CDH18: variants seen among roughly 807,000 people sequenced by gnomAD.
CDH18 encodes cadherin 18.
CDH18 carries 31 observed loss-of-function variants against 67.9 expected under a neutral mutation model. That is an observed-to-expected ratio of 0.46 (90% CI 0.34 to 0.62). CDH18 has a LOEUF of 0.62. Ranked by LOEUF, CDH18 falls within the 20% of genes least tolerant of loss-of-function variation. The pLI is 0.01. For missense variants in CDH18, 890 were observed against 975.5 expected, an observed-to-expected ratio of 0.91 and a Z score of 1.17; for synonymous variants, 362 against 347.2, an observed-to-expected ratio of 1.04 and a Z score of -0.48.
chr5:19,638,975 CT>C (rs1753586179), intron 5 of CDH18, among the ~76,000 whole-genome samples: 1 of 33,966 alleles, frequency 2.9e-5, no homozygotes, highest in Non-Finnish European at 5.6e-5. Context: ...TTTTTTGTTG[CT>C]GTTTTTTTTT....
chr5:20,443,025 C>T (rs936425879), intron 1 of CDH18, among the ~76,000 whole-genome samples: 6 of 150,324 alleles, frequency 4.0e-5, no homozygotes, highest in Non-Finnish European at 5.9e-5. Context: ...CCGGCTAAAA[C>T]GGTGAAACCC....
At chr5:19,772,069 C>G (rs1021689980) in intron 3 of CDH18, among the ~76,000 whole-genome samples, 3 of 152,132 alleles carry the variant, frequency 2.0e-5, no homozygotes, top group Non-Finnish European at 2.9e-5. Flanking sequence ...GAATTTTTCT[C>G]TAAGATGATC....
chr5:20,542,276 G>A (rs1310178098), intron 1 of CDH18, among the ~76,000 whole-genome samples: 1 of 103,994 alleles, frequency 9.6e-6, no homozygotes, highest in Non-Finnish European at 2.2e-5. Context: ...AGCAGAAAGA[G>A]GAGAAGGGAT....
chr5:19,616,922 A>C (rs1288110686), intron 5 of CDH18, among the ~76,000 whole-genome samples: 1 of 152,076 alleles, frequency 6.6e-6, no homozygotes, highest in East Asian at 1.9e-4. Context: ...AGGATGGGGA[A>C]TCTCCTTTTT....
intron 2 of CDH18, among the ~76,000 whole-genome samples, chr5:20,220,111 A>T (rs1741106435): frequency 2.0e-5 from 3 of 152,022 alleles, no homozygotes; most frequent in African/African-American, 7.2e-5. Flanking sequence ...TCTTCACATA[A>T]GTAGAAAAAA....
intron 8 of CDH18, among the ~76,000 whole-genome samples, chr5:19,546,469 C>T (rs1030450217): frequency 6.6e-6 from 1 of 152,046 alleles, no homozygotes; most frequent in African/African-American, 2.4e-5. Context: ...AATTGGATTC[C>T]GGGGAACAGA....
At chr5:20,436,870 C>A (rs1749206085) in intron 1 of CDH18, among the ~76,000 whole-genome samples, 1 of 150,782 alleles carries the variant, frequency 6.6e-6, no homozygotes, top group African/African-American at 2.4e-5. Flanking sequence ...ACTCCCGCAG[C>A]AATTCATCAT....
At chr5:20,347,705 T>G (rs1044464885) in intron 1 of CDH18, among the ~76,000 whole-genome samples, 1 of 152,198 alleles carries the variant, frequency 6.6e-6, no homozygotes, top group South Asian at 2.1e-4. Context: ...CAGCATTGTG[T>G]GTTTAGCCCC....
chr5:20,142,985 A>T (rs1464434769), intron 2 of CDH18, among the ~76,000 whole-genome samples: 1 of 152,138 alleles, frequency 6.6e-6, no homozygotes, highest in Non-Finnish European at 1.5e-5. Context: ...AAAAATATAG[A>T]GGTAGTTTGG....
intron 2 of CDH18, among the ~76,000 whole-genome samples, chr5:20,074,283 T>A (rs927367691): frequency 6.6e-6 from 1 of 152,194 alleles, no homozygotes; most frequent in Non-Finnish European, 1.5e-5. Flanking sequence ...GATTATCATA[T>A]GCCTTGTCTC....
chr5:19,604,276 C>T (rs752449494), intron 6 of CDH18, among the ~76,000 whole-genome samples: 1 of 151,994 alleles, frequency 6.6e-6, no homozygotes, highest in African/African-American at 2.4e-5. Flanking sequence ...CCCCAAGGCC[C>T]TATCTTACAA....
chr5:20,280,739 G>T (rs1420514715), intron 1 of CDH18, among the ~76,000 whole-genome samples: 1 of 152,092 alleles, frequency 6.6e-6, no homozygotes, highest in African/African-American at 2.4e-5. Context: ...GGGATGGCTG[G>T]GTCAAATGGT....
At chr5:20,090,340 G>A (rs1247772702) in intron 2 of CDH18, among the ~76,000 whole-genome samples, 2 of 152,060 alleles carry the variant, frequency 1.3e-5, no homozygotes, top group African/African-American at 2.4e-5. Context: ...TTCAAGACCA[G>A]CTTGACCAAT....
At chr5:19,559,337 G>C (rs1739019006) in intron 8 of CDH18, among the ~76,000 whole-genome samples, 1 of 152,018 alleles carries the variant, frequency 6.6e-6, no homozygotes, top group South Asian at 2.1e-4. Context: ...TGATCGAGTA[G>C]GTTTCATAGC....
intron 2 of CDH18, among the ~76,000 whole-genome samples, chr5:19,938,875 T>C (rs1382762735): frequency 6.6e-6 from 1 of 151,390 alleles, no homozygotes; most frequent in Non-Finnish European, 1.5e-5. Context: ...TTAATTCTAA[T>C]TTAAACTTTA....
At chr5:20,521,743 T>C (rs1755755004) in intron 1 of CDH18, among the ~76,000 whole-genome samples, 1 of 152,012 alleles carries the variant, frequency 6.6e-6, no homozygotes, top group Admixed American at 6.6e-5. Context: ...GAGGATGATT[T>C]CTGGAGCAAG....
At chr5:20,482,432 A>G (rs559292376) in intron 1 of CDH18, among the ~76,000 whole-genome samples, 27 of 152,238 alleles carry the variant, frequency 1.8e-4, no homozygotes, top group Middle Eastern at 3.4e-3. Flanking sequence ...AACTCATTCT[A>G]TGAGGCCAGT....
chr5:19,542,771 G>C (rs188705018), intron 9 of CDH18, among the ~76,000 whole-genome samples: 3 of 151,824 alleles, frequency 2.0e-5, no homozygotes, highest in Non-Finnish European at 4.4e-5. Context: ...GAGTGTGGGG[G>C]ATTATGACTA....
chr5:19,819,524 C>T (rs1415447488), intron 3 of CDH18, among the ~76,000 whole-genome samples: 1 of 152,156 alleles, frequency 6.6e-6, no homozygotes, highest in African/African-American at 2.4e-5. Flanking sequence ...TCAAGAATGG[C>T]TCCCAGTTCT....
Sources: gnomAD v4.1 joint callset for allele counts (sites outside exome capture counted in the v4.1 genomes callset) on GRCh38, gnomAD v4.1.1 for gene constraint, MANE v1.5 for transcripts, NCBI Gene and HGNC (gene_info 2026-07-23, HGNC 2026-07-21) for gene names.